Variants in CIB1 observed in about 807,000 individuals in gnomAD.
CIB1 encodes calcium and integrin-binding protein 1.
Under a neutral mutation model 25.0 loss-of-function variants are expected in CIB1, and 19 were observed. The ratio of observed to expected loss-of-function variants is 0.76; its 90% CI spans 0.53 to 1.12. The LOEUF (loss-of-function observed/expected upper bound fraction) is 1.12. Among genes scored for constraint, CIB1 ranks in the 50% most tolerant of loss-of-function variants. The probability of loss-of-function intolerance (pLI) is 0.00; values close to 1 mark genes in which losing one functional copy is unlikely to be tolerated. For synonymous variants in CIB1, 104 were observed against 98.5 expected, an observed-to-expected ratio of 1.06 and a Z score of -0.33; for missense variants, 236 against 242.6, an observed-to-expected ratio of 0.97 and a Z score of 0.18.
At chr15:90,265,468 T>C in the CIB1 span, 1 of 1,370,490 alleles carries the variant, frequency 7.3e-7, no homozygotes, top group Non-Finnish European at 9.4e-7. Flanking sequence ...TTAAAGTTTA[T>C]GCAGTTTTCC....
chr15:90,239,305 ATGTGTGTGTGTGTGTGTGTGTGTG>A, the CIB1 span, among the ~76,000 whole-genome samples: 1 of 147,874 alleles, frequency 6.8e-6, no homozygotes, highest in African/African-American at 2.5e-5. Flanking sequence ...GAGACATAAA[ATGTGTGTGTGTGTGTGTGTGTGTG>A]TGTGTGTGTG....
chr15:90,248,522 CTGG>C, the CIB1 span, among the ~76,000 whole-genome samples: 1 of 151,710 alleles, frequency 6.6e-6, no homozygotes, highest in Admixed American at 6.6e-5. Flanking sequence ...CAAGATCAGC[CTGG>C]CCAACACAGC....
upstream of CIB1, among the ~76,000 whole-genome samples, chr15:90,237,181 G>A (rs975462290): frequency 6.6e-6 from 1 of 151,804 alleles, no homozygotes; most frequent in Non-Finnish European, 1.5e-5. Flanking sequence ...GGCTGGTCTC[G>A]AACTCCTGAC....
the CIB1 span, chr15:90,242,053 A>C: frequency 6.2e-7 from 1 of 1,604,556 alleles, no homozygotes; most frequent in East Asian, 2.2e-5. Flanking sequence ...CTGATGTCCC[A>C]GGAAGAGCAA....
chr15:90,239,307 G>A, the CIB1 span, among the ~76,000 whole-genome samples: 1 of 91,728 alleles, frequency 1.1e-5, no homozygotes, highest in African/African-American at 4.7e-5. Context: ...GACATAAAAT[G>A]TGTGTGTGTG....
Position 90,233,651 on chromosome 15 carries a change from G to T in CIB1, c.86+18C>A. 6.4e-7 allele frequency: 1 copy of T among 1,572,314 alleles called. No homozygotes were observed. The highest frequency in any genetic ancestry group is 8.6e-7 in the Non-Finnish European group (1 of 1,158,662). ...AGAGGATCCCGGGGTCGGAGGCAGG[G>T]TTCAAGGCAGCACTTACAGGAGGAT... On this transcript the variant is annotated intron_variant, in intron 2 of 6. Coordinates refer to ENST00000328649, the MANE Select transcript of CIB1 (RefSeq NM_006384.4).
chr15:90,237,123 TA>T (rs1962651655), upstream of CIB1, among the ~76,000 whole-genome samples: 1 of 150,982 alleles, frequency 6.6e-6, no homozygotes, highest in South Asian at 2.1e-4. Flanking sequence ...CACACCTGGC[TA>T]ATTTTTTTGT....
the CIB1 span, among the ~76,000 whole-genome samples, chr15:90,252,368 A>G: frequency 6.6e-6 from 1 of 151,772 alleles, no homozygotes; most frequent in Non-Finnish European, 1.5e-5. Context: ...TTTTGTAGAG[A>G]CAGAGTCTTG....
the CIB1 span, among the ~76,000 whole-genome samples, chr15:90,256,801 C>T: frequency 0.19 from 28,880 of 151,938 alleles, 2,947 homozygotes; most frequent in Middle Eastern, 0.23. Context: ...CAATTCTCTG[C>T]CTCAGCCTCC....
intron 6 of CIB1, 89 bp downstream of exon 6, chr15:90,230,844 TG>T: frequency 8.5e-7 from 1 of 1,170,626 alleles, no homozygotes; most frequent in Non-Finnish European, 1.3e-6. Flanking sequence ...TCTCTCACCC[TG>T]GCACCACCTC....
chr15:90,242,157 G>T, the CIB1 span: 1 of 1,103,930 alleles, frequency 9.1e-7, no homozygotes, highest in Non-Finnish European at 1.3e-6. Flanking sequence ...GTATGATCCT[G>T]GCTCACTGTA....
the CIB1 span, chr15:90,262,542 G>T: frequency 2.0e-6 from 3 of 1,530,580 alleles, no homozygotes; most frequent in African/African-American, 4.1e-5. Context: ...GAGACCTCGG[G>T]CACTAAGAGG....
chr15:90,233,844 G>C lies in CIB1; in HGVS notation c.42C>G (p.Ala14=), dbSNP rs1473253148. 3.3e-6 allele frequency: 5 copies of C among 1,536,956 alleles called. No individual in the cohort carries two copies. The highest frequency in any genetic ancestry group is 4.4e-6 in the Non-Finnish European group (5 of 1,141,106). ...CAGGCGTCCCGCGCACCTGGTACTC[G>C]GCCAGCAGCTCCTTGGACAGGCGAC... ...SGSRLSKELL[A]EYQDLTFLTK... The change falls in exon 1 of 7, where the codon GCC becomes GCG. Residue 14 remains alanine (A), a synonymous_variant. Coordinates refer to ENST00000328649, the MANE Select transcript of CIB1 (RefSeq NM_006384.4).
upstream of CIB1, among the ~76,000 whole-genome samples, chr15:90,236,814 G>A (rs537695969): frequency 3.9e-5 from 6 of 151,974 alleles, no homozygotes; most frequent in East Asian, 3.9e-4. Context: ...GAGCCACCAC[G>A]CCCGGCCTCT....
chr15:90,253,480 A>G, the CIB1 span: 1 of 588,098 alleles, frequency 1.7e-6, no homozygotes, highest in Non-Finnish European at 2.9e-6. Flanking sequence ...CCCCTTGTGC[A>G]GACAAGAAAG....
intron 2 of CIB1, 184 bp from the exon 3 acceptor site, chr15:90,232,511 C>G: frequency 1.1e-6 from 1 of 890,026 alleles, no homozygotes; most frequent in Non-Finnish European, 1.6e-6. Flanking sequence ...GCCTAGGAGT[C>G]TATTCTTGCA....
At chr15:90,256,551 TTCTTTCTTTCTTTC>T in the CIB1 span, among the ~76,000 whole-genome samples, 2 of 25,206 alleles carry the variant, frequency 7.9e-5, no homozygotes, top group African/African-American at 3.5e-4. Context: ...TCCTTTTTCT[TTCTTTCTTTCTTTC>T]TTTCTTTCTT....
At chr15:90,256,645 C>CT in the CIB1 span, among the ~76,000 whole-genome samples, 2 of 126,882 alleles carry the variant, frequency 1.6e-5, no homozygotes, top group Non-Finnish European at 3.1e-5. Flanking sequence ...TTCCTTCTTT[C>CT]TTTCTCCCTT....
chr15:90,232,448 C>T (rs1208452349), intron 2 of CIB1, 121 bp from the exon 3 acceptor site: 11 of 1,427,296 alleles, frequency 7.7e-6, no homozygotes, highest in East Asian at 5.1e-5. Flanking sequence ...GTACACAGAA[C>T]TTCCGAGTCA....
Sources: allele counts gnomAD v4.1 joint callset (sites outside exome capture counted in the v4.1 genomes callset), GRCh38; gene constraint gnomAD v4.1.1; transcripts MANE v1.5; gene names NCBI Gene and HGNC (gene_info 2026-07-23, HGNC 2026-07-21).